Variants in OTOGL observed in about 807,000 individuals in gnomAD.
OTOGL encodes the protein otogelin-like protein.
Under a neutral mutation model 318.5 loss-of-function variants are expected in OTOGL, and 285 were observed. The ratio of observed to expected loss-of-function variants is 0.89; its 90% CI spans 0.81 to 0.99. The LOEUF is 0.99. Among genes scored for constraint, OTOGL ranks in the 50% least tolerant of loss-of-function variants. The probability of loss-of-function intolerance (pLI) is 0.00; values close to 1 mark genes in which losing one functional copy is unlikely to be tolerated. For synonymous variants in OTOGL, 987 were observed against 936.5 expected, an observed-to-expected ratio of 1.05 and a Z score of -0.99; for missense variants, 2,899 against 2,845.6, an observed-to-expected ratio of 1.02 and a Z score of -0.43.
chr12:80,336,526 G>C lies in OTOGL; in HGVS notation c.4714G>C (p.Ala1572Pro), dbSNP rs1405749347. 1.2e-6 allele frequency: 2 copies of C among 1,608,448 alleles called. No homozygotes were observed. Among genetic ancestry groups the C allele is most frequent in the African/African-American group, 2.7e-5 (2 of 74,704 alleles). ...LVRIPGEIIV[A>P]HIEKCSMNQN... ...AAGAATTCCTGGTGAAATTATAGTT[G>C]CTCATATCGAAAAATGTTCCATGAA... is the stretch of plus-strand genomic sequence containing the variant. Residue 1572 changes from alanine to proline, a missense_variant, in exon 40 of 59, where the codon GCT (alanine) becomes CCT (proline). Ala to Pro is a conservative substitution (Grantham distance 27, BLOSUM62 -1). Coordinates refer to ENST00000547103, the MANE Select transcript of OTOGL (RefSeq NM_001378609.3).
At chr12:80,265,429 C>A (rs183888337) in intron 20 of OTOGL, 17 of 536,218 alleles carry the variant, frequency 3.2e-5, no homozygotes, top group South Asian at 1.0e-4. Context: ...TTGTAATAAA[C>A]GAAATTATTG....
chr12:80,328,583 G>T, intron 35 of OTOGL, 82 bp from the exon 36 acceptor site: 1 of 1,025,614 alleles, frequency 9.8e-7, no homozygotes, highest in South Asian at 1.4e-5. Flanking sequence ...ATATATCTTA[G>T]TCGCATATGT....
chr12:80,372,497 C>T (rs1448373062), intron 57 of OTOGL, among the ~76,000 whole-genome samples: 1 of 152,070 alleles, frequency 6.6e-6, no homozygotes, highest in East Asian at 1.9e-4. Flanking sequence ...ACTCCAAAAA[C>T]AACATATGGG....
rs182072031 is a variant in OTOGL at position 80,179,240 on chromosome 12, G to A, written c.-19-30173G>A. On this transcript the variant is annotated intron_variant, in intron 1 of 58. Coordinates refer to ENST00000547103, the MANE Select transcript of OTOGL (RefSeq NM_001378609.3). ...GTGGGACAGGAGAAGGGCAAATGGT[G>A]ACACTTGAAAGTCATCAGCAGACAA... is the stretch of plus-strand genomic sequence containing the variant. 4.4e-3 allele frequency among the ~76,000 whole-genome samples: 669 copies of A among 152,260 alleles called. 3 individuals carry two copies. Among genetic ancestry groups the A allele is most frequent in the Non-Finnish European group, 6.1e-3 (412 of 68,020 alleles).
At chr12:80,117,395 C>A (rs1870233955) in intron 1 of OTOGL, among the ~76,000 whole-genome samples, 1 of 152,106 alleles carries the variant, frequency 6.6e-6, no homozygotes, top group South Asian at 2.1e-4. Context: ...TTGTAGTAAA[C>A]TTTGACTCCT....
At chr12:80,348,718 G>A (rs996110843) in intron 44 of OTOGL, among the ~76,000 whole-genome samples, 3 of 152,092 alleles carry the variant, frequency 2.0e-5, no homozygotes, top group Admixed American at 2.0e-4. Context: ...CTCCAGCCAC[G>A]TCTTGTGCTA....
At chr12:80,292,400 T>C (rs1885103578) in intron 26 of OTOGL, among the ~76,000 whole-genome samples, 1 of 152,246 alleles carries the variant, frequency 6.6e-6, no homozygotes, top group African/African-American at 2.4e-5. Context: ...TGCAGTTAAC[T>C]CTTGTTCTGC....
At chr12:80,196,265 A>G (rs1207317370) in intron 1 of OTOGL, among the ~76,000 whole-genome samples, 2 of 152,164 alleles carry the variant, frequency 1.3e-5, no homozygotes, top group Non-Finnish European at 2.9e-5. Context: ...AATGCAGTCA[A>G]TGCAATTTTT....
intron 1 of OTOGL, among the ~76,000 whole-genome samples, chr12:80,182,169 AG>A (rs1027118932): frequency 4.7e-4 from 71 of 152,142 alleles, no homozygotes; most frequent in African/African-American, 1.6e-3. Flanking sequence ...ATTTTTAAAA[AG>A]GGGGTAAAAA....
chr12:80,305,698 A>G lies in OTOGL; in HGVS notation c.3333+3A>G. ...GAGATAGTTGGGCATTAGGACAGGT[A>G]AGTTACATAAATGTATTTTAGAAGT... On this transcript the variant is annotated splice_donor_region_variant and intron_variant, in intron 29 of 58. Coordinates refer to ENST00000547103, the MANE Select transcript of OTOGL (RefSeq NM_001378609.3). 1 of 1,519,038 alleles carries G rather than the reference A, an allele frequency of 6.6e-7. No homozygotes were observed. The highest frequency in any genetic ancestry group is 8.7e-7 in the Non-Finnish European group (1 of 1,147,180). 94.1% of individuals were successfully genotyped at this position (1,519,038 alleles called of 1,614,324 possible).
chr12:80,128,622 T>C (rs914483675), intron 1 of OTOGL, among the ~76,000 whole-genome samples: 2 of 152,224 alleles, frequency 1.3e-5, no homozygotes, highest in Admixed American at 6.5e-5. Flanking sequence ...TGTTTGGCTA[T>C]GCCCTGCCCA....
rs370314692 is a variant in OTOGL at position 80,310,727 on chromosome 12, G to C, written c.3450G>C (p.Val1150=). The stretch of plus-strand genomic sequence containing the variant: ...ATATTTTTGCTTCTTGTCGCAATGT[G>C]GTAAATGAATACTTTAATGAACTCT... The part of the protein sequence containing the change: ...YSDIFASCRN[V]IDVTSFAKNC... The change falls in exon 30 of 59, where the codon GTG becomes GTC. Residue 1150 remains valine (V), a splice_region_variant and synonymous_variant. Coordinates refer to ENST00000547103, the MANE Select transcript of OTOGL (RefSeq NM_001378609.3). 13 of 1,543,346 alleles carry C rather than the reference G, an allele frequency of 8.4e-6. No individual in the cohort carries two copies. Among genetic ancestry groups the C allele is most frequent in the Non-Finnish European group, 1.2e-5 (13 of 1,129,186 alleles).
rs181177237 is a variant in OTOGL, at chr12:80,310,035, C to A, written c.3334-576C>A. Among the ~76,000 whole-genome samples the A allele has an allele frequency of 1.9e-4, 29 of 152,108 alleles. No homozygotes were observed. In the East Asian group the frequency reaches 5.0e-3, roughly 26 times the overall value. ...GAAACCCAGCAGAAAATTGTGTCAC[C>A]AAAACCAAATGAGGAGAGACATTTA... On this transcript the variant is annotated intron_variant, in intron 29 of 58. Transcript: ENST00000547103.
chr12:80,104,982 G>C (rs1280237822), intron 1 of OTOGL, among the ~76,000 whole-genome samples: 2 of 152,088 alleles, frequency 1.3e-5, no homozygotes, highest in Non-Finnish European at 2.9e-5. Flanking sequence ...TGTAATCCCA[G>C]CTACTTGGGA....
chr12:80,348,649 T>G (rs1342002591), intron 44 of OTOGL, among the ~76,000 whole-genome samples: 1 of 152,166 alleles, frequency 6.6e-6, no homozygotes, highest in Non-Finnish European at 1.5e-5. Context: ...TCACTTAGAG[T>G]ACATTCCAAA....
intron 18 of OTOGL, among the ~76,000 whole-genome samples, chr12:80,259,360 TTTA>T (rs978935094): frequency 4.6e-5 from 7 of 151,738 alleles, no homozygotes; most frequent in East Asian, 1.9e-4. Context: ...TTTTATTTAA[TTTA>T]TTATTATTAT....
chr12:80,309,096 T>C (rs796119987), intron 29 of OTOGL, among the ~76,000 whole-genome samples: 53 of 152,332 alleles, frequency 3.5e-4, no homozygotes, highest in Middle Eastern at 6.8e-3. Context: ...TTTTTATTCA[T>C]ACCTGATAGA....
At chr12:80,333,768 G>T (rs1340496897) in intron 38 of OTOGL, among the ~76,000 whole-genome samples, 1 of 152,052 alleles carries the variant, frequency 6.6e-6, no homozygotes, top group Non-Finnish European at 1.5e-5. Flanking sequence ...CACTGATAAG[G>T]CAACCTCTAA....
intron 9 of OTOGL, among the ~76,000 whole-genome samples, chr12:80,233,751 T>C (rs17006544): frequency 0.015 from 2,290 of 152,296 alleles, 56 homozygotes; most frequent in African/African-American, 0.051. Context: ...CTTAGGTCCA[T>C]ACAAGGAAGT....
Sources: gnomAD v4.1 joint callset for allele counts (sites outside exome capture counted in the v4.1 genomes callset) on GRCh38, gnomAD v4.1.1 for gene constraint, MANE v1.5 for transcripts, NCBI Gene and HGNC (gene_info 2026-07-23, HGNC 2026-07-21) for gene names.